Variants in PIP4K2A observed in about 807,000 individuals in gnomAD.
PIP4K2A encodes phosphatidylinositol 5-phosphate 4-kinase type-2 alpha.
In PIP4K2A, 14 loss-of-function variants were observed where a neutral mutation model predicts 42.9. The ratio of observed to expected loss-of-function variants is 0.33; its 90% CI spans 0.22 to 0.51. PIP4K2A has a LOEUF of 0.51. PIP4K2A is among the 20% of genes least tolerant of loss of function. The probability of loss-of-function intolerance (pLI) is 0.97; values close to 1 mark genes in which losing one functional copy is unlikely to be tolerated. For synonymous variants in PIP4K2A, 192 were observed against 192.2 expected (o/e 1.00, Z 0.01); for missense variants, 434 against 519.8 (o/e 0.83, Z 1.61).
intron 1 of PIP4K2A, among the ~76,000 whole-genome samples, chr10:22,697,250 G>A (rs1051685841): frequency 6.6e-6 from 1 of 152,196 alleles, no homozygotes; most frequent in Non-Finnish European, 1.5e-5. Flanking sequence ...CAGTTAGATG[G>A]CAAAGCTCTG....
chr10:22,632,349 G>A (rs1037034637), intron 1 of PIP4K2A, among the ~76,000 whole-genome samples: 10 of 152,032 alleles, frequency 6.6e-5, no homozygotes, highest in African/African-American at 2.4e-4. Flanking sequence ...GGAGTTCTTT[G>A]TATTATTTTT....
intron 5 of PIP4K2A, among the ~76,000 whole-genome samples, chr10:22,568,211 C>T (rs1273354810): frequency 6.6e-6 from 1 of 152,244 alleles, no homozygotes; most frequent in Non-Finnish European, 1.5e-5. Context: ...ACTTACTCAA[C>T]ACTGGATCAG....
chr10:22,612,176 A>G (rs1294671236), intron 1 of PIP4K2A, among the ~76,000 whole-genome samples: 1 of 152,228 alleles, frequency 6.6e-6, no homozygotes, highest in Admixed American at 6.5e-5. Flanking sequence ...ACAACCTTTA[A>G]GAGTCCACTC....
At chr10:22,663,868 C>T (rs1048044161) in intron 1 of PIP4K2A, among the ~76,000 whole-genome samples, 10 of 150,966 alleles carry the variant, frequency 6.6e-5, no homozygotes, top group Non-Finnish European at 1.5e-4. Context: ...ATTTTCCCCC[C>T]ATTTTGGCCA....
At chr10:22,581,492 A>T (rs1203139514) in intron 4 of PIP4K2A, among the ~76,000 whole-genome samples, 1 of 133,686 alleles carries the variant, frequency 7.5e-6, no homozygotes, top group Non-Finnish European at 1.6e-5. Context: ...GTTACTTGGG[A>T]GGCTGAGGCA....
In PIP4K2A at chr10:22,580,462, C is replaced by T. The variant is rs566699996; in HGVS notation, c.493-7005G>A. ...CCCAGGAGTTTGAGATCAACCTGGC[C>T]AACATGGCGAAACTCCATCTCAACA... On this transcript the variant is annotated intron_variant, in intron 4 of 9. Coordinates refer to ENST00000376573, the MANE Select transcript of PIP4K2A (RefSeq NM_005028.5). 2.3e-3 allele frequency among the ~76,000 whole-genome samples: 342 copies of T among 151,982 alleles called. 7 individuals are homozygous for T. The highest frequency in any genetic ancestry group is 7.7e-3 in the African/African-American group (318 of 41,256).
intron 3 of PIP4K2A, among the ~76,000 whole-genome samples, chr10:22,599,468 A>G (rs1254329406): frequency 6.6e-6 from 1 of 152,162 alleles, no homozygotes; most frequent in Admixed American, 6.5e-5. Context: ...GCCTAGACAC[A>G]CTCATCCACC....
chr10:22,677,196 T>C (rs951046545), intron 1 of PIP4K2A, among the ~76,000 whole-genome samples: 1 of 152,160 alleles, frequency 6.6e-6, no homozygotes, highest in Non-Finnish European at 1.5e-5. Context: ...GGGTTGAGAA[T>C]TCCTACTGGG....
chr10:22,569,171 C>T, intron 5 of PIP4K2A: 2 of 767,724 alleles, frequency 2.6e-6, no homozygotes, highest in South Asian at 1.6e-5. Flanking sequence ...AGACTCCTCA[C>T]ATTGGGGAAG....
chr10:22,661,349 CTT>C (rs374324575), intron 1 of PIP4K2A, among the ~76,000 whole-genome samples: 6 of 99,818 alleles, frequency 6.0e-5, no homozygotes, highest in South Asian at 3.7e-4. Context: ...ATGATGCTGC[CTT>C]TTTTTTTTTT....
At chr10:22,540,893 TAAGAA>T (rs1428183331) in intron 8 of PIP4K2A, among the ~76,000 whole-genome samples, 1 of 152,134 alleles carries the variant, frequency 6.6e-6, no homozygotes, top group African/African-American at 2.4e-5. Flanking sequence ...ATATGAACAG[TAAGAA>T]AAGTACATTT....
At chr10:22,636,041 G>C (rs1031351998) in intron 1 of PIP4K2A, among the ~76,000 whole-genome samples, 3 of 152,134 alleles carry the variant, frequency 2.0e-5, no homozygotes, top group African/African-American at 7.2e-5. Context: ...TAAAGCTTTA[G>C]GAAAAGCGTA....
chr10:22,614,533 G>T (rs1178359165), intron 1 of PIP4K2A, among the ~76,000 whole-genome samples: 1 of 152,018 alleles, frequency 6.6e-6, no homozygotes, highest in African/African-American at 2.4e-5. Flanking sequence ...AAACTTCTTC[G>T]TCAGGTGGTA....
Position 22,573,886 on chromosome 10 carries a change from C to T in PIP4K2A, c.493-429G>A, listed in dbSNP as rs149029075. On this transcript the variant is annotated intron_variant, in intron 4 of 9. Coordinates refer to ENST00000376573, the MANE Select transcript of PIP4K2A (RefSeq NM_005028.5). Reference sequence around the variant, plus strand: ...ATAGCTTCTCTAACAGTGTTGAAGTCGAGATGAAAGAGGAAATTGTGGGGA... The same window carrying T: ...ATAGCTTCTCTAACAGTGTTGAAGTTGAGATGAAAGAGGAAATTGTGGGGA... Among the ~76,000 whole-genome samples the T allele has an allele frequency of 4.4e-4, 67 of 152,296 alleles. No homozygotes were observed. The East Asian group carries it at 0.011, about 24-fold the overall frequency.
At chr10:22,573,193 G>C in intron 5 of PIP4K2A, 118 bp downstream of exon 5, 2 of 878,762 alleles carry the variant, frequency 2.3e-6, no homozygotes, top group Non-Finnish European at 3.6e-6. Flanking sequence ...ACTGCTACTT[G>C]TCTGGTAGCT....
intron 1 of PIP4K2A, among the ~76,000 whole-genome samples, chr10:22,654,447 A>T (rs1564456646): frequency 6.6e-6 from 1 of 152,186 alleles, no homozygotes; most frequent in Non-Finnish European, 1.5e-5. Flanking sequence ...AAAAGCTAAA[A>T]ATTGGAGAAT....
intron 7 of PIP4K2A, among the ~76,000 whole-genome samples, chr10:22,550,327 T>C (rs1836372805): frequency 6.6e-6 from 1 of 152,244 alleles, no homozygotes; most frequent in Admixed American, 6.5e-5. Context: ...AGTACTCCCC[T>C]GGCCCCTCCC....
At chr10:22,585,432 C>T (rs1230339277) in intron 4 of PIP4K2A, among the ~76,000 whole-genome samples, 4 of 152,066 alleles carry the variant, frequency 2.6e-5, no homozygotes, top group East Asian at 3.8e-4. Flanking sequence ...ACCCATTTAT[C>T]GATTCAGTCA....
chr10:22,590,426 G>A (rs558890501), intron 4 of PIP4K2A, among the ~76,000 whole-genome samples: 38 of 152,126 alleles, frequency 2.5e-4, no homozygotes, highest in South Asian at 1.7e-3. Flanking sequence ...TGATAATAGC[G>A]ATGCTATGGC....
Sources: allele counts gnomAD v4.1 joint callset (sites outside exome capture counted in the v4.1 genomes callset), GRCh38; gene constraint gnomAD v4.1.1; transcripts MANE v1.5; gene names NCBI Gene and HGNC (gene_info 2026-07-23, HGNC 2026-07-21).